SPATA13: variants seen among roughly 807,000 people sequenced by gnomAD.
The protein encoded by SPATA13 is spermatogenesis associated 13.
A neutral mutation model predicts 104.0 loss-of-function variants in SPATA13; 50 were observed. That is an observed-to-expected ratio of 0.48 (90% confidence interval 0.38 to 0.61). SPATA13 has a LOEUF of 0.61. Among genes scored for constraint, SPATA13 ranks in the 20% least tolerant of loss-of-function variants. The pLI, the probability that SPATA13 is intolerant of heterozygous loss-of-function variation, is 0.00. For synonymous variants in SPATA13, 606 were observed against 667.5 expected, an observed-to-expected ratio of 0.91 and a Z score of 1.42; for missense variants, 1,524 against 1,690.6, an observed-to-expected ratio of 0.90 and a Z score of 1.73.
At chr13:24,014,337 A>AC (rs1876614598) in intron 2 of SPATA13, among the ~76,000 whole-genome samples, 1 of 151,056 alleles carries the variant, frequency 6.6e-6, no homozygotes, top group African/African-American at 2.4e-5. Context: ...GCACCAACAC[A>AC]CCCCCCTTCC....
intron 3 of SPATA13, among the ~76,000 whole-genome samples, chr13:24,063,065 C>T (rs538838015): frequency 2.6e-5 from 4 of 152,070 alleles, no homozygotes; most frequent in Non-Finnish European, 5.9e-5. Flanking sequence ...GGATTGGCCT[C>T]GGGGTCACCT....
intron 3 of SPATA13, among the ~76,000 whole-genome samples, chr13:24,108,942 C>T (rs1880546104): frequency 6.6e-6 from 1 of 152,144 alleles, no homozygotes; most frequent in Admixed American, 6.5e-5. Flanking sequence ...GCCCACACTC[C>T]AGCTCTCTCT....
At chr13:24,087,120 C>T (rs1466814217) in intron 3 of SPATA13, among the ~76,000 whole-genome samples, 1 of 152,138 alleles carries the variant, frequency 6.6e-6, no homozygotes, top group Non-Finnish European at 1.5e-5. Flanking sequence ...GCAAGGCTTT[C>T]TCTCCAGCCT....
chr13:24,155,298 G>T (rs114937705), intron 3 of SPATA13, among the ~76,000 whole-genome samples: 1,631 of 152,268 alleles, frequency 0.011, 29 homozygotes, highest in African/African-American at 0.037. Context: ...GATCTGTCAC[G>T]GAAGAACTTT....
chr13:24,004,713 A>T (rs567146042), intron 2 of SPATA13, among the ~76,000 whole-genome samples: 9 of 152,304 alleles, frequency 5.9e-5, no homozygotes, highest in African/African-American at 1.9e-4. Context: ...TTTACATTCC[A>T]TACGATTTAT....
At chr13:23,988,046 C>T (rs1006304040) in intron 2 of SPATA13, among the ~76,000 whole-genome samples, 4 of 151,808 alleles carry the variant, frequency 2.6e-5, no homozygotes, top group Admixed American at 1.3e-4. Context: ...TGAGTTCAGG[C>T]AATTCTCCTG....
At position 24,178,395 on chromosome 13, in the gene SPATA13, A is replaced by AT. The variant is rs910742297; in HGVS notation, c.-112+17472dup. Among the ~76,000 whole-genome samples the AT allele has an allele frequency of 2.6e-4, 40 of 151,294 alleles. 1 individual carries two copies. Among genetic ancestry groups the AT allele is most frequent in the East Asian group, 7.7e-4 (4 of 5,170 alleles). On this transcript the variant is annotated intron_variant, in intron 1 of 12. Coordinates refer to ENST00000382108, the MANE Select transcript of SPATA13 (RefSeq NM_001166271.3). ...ATTTTGATACTTCTGAGGAACATGC[A>AT]TTTTTTTTTAACTGTAAGAGCTTTT... is the stretch of plus-strand genomic sequence containing the variant.
At position 24,088,189 on chromosome 13, in the gene SPATA13, G is replaced by A. The variant is rs927956990; in HGVS notation, c.-112+70488G>A. On this transcript the variant is annotated intron_variant, in intron 3 of 14. Coordinates refer to the SPATA13 transcript ENST00000424834. The surrounding 1 kb of genome is among the most constrained non-coding windows in gnomAD (Gnocchi z 4.3). ...GGGCTGAGGTGTGTCCTGGCAGACA[G>A]GGAACTGGCGTGTTAATGCTCCCTA... is the stretch of plus-strand genomic sequence containing the variant. 1.3e-5 allele frequency among the ~76,000 whole-genome samples: 2 copies of A among 152,200 alleles called. No homozygotes were observed. The highest frequency in any genetic ancestry group is 1.3e-4 in the Admixed American group (2 of 15,280).
intron 2 of SPATA13, among the ~76,000 whole-genome samples, chr13:24,013,534 G>A (rs945668757): frequency 2.6e-5 from 4 of 152,094 alleles, no homozygotes; most frequent in African/African-American, 9.7e-5. Flanking sequence ...AGCTTAAGTC[G>A]CCCTTATCCT....
intron 1 of SPATA13, among the ~76,000 whole-genome samples, chr13:24,191,421 T>A (rs1338302161): frequency 6.6e-6 from 1 of 152,126 alleles, no homozygotes; most frequent in African/African-American, 2.4e-5. Context: ...ATATTTGTTT[T>A]ATTGCTGTGG....
At chr13:24,283,464 T>C (rs1413446757) in intron 4 of SPATA13, among the ~76,000 whole-genome samples, 1 of 152,266 alleles carries the variant, frequency 6.6e-6, no homozygotes, top group East Asian at 1.9e-4. Flanking sequence ...AAGAAGAGAC[T>C]GCTCAGTGAC....
At chr13:24,026,691 C>G (rs1877229834) in intron 3 of SPATA13, among the ~76,000 whole-genome samples, 1 of 152,138 alleles carries the variant, frequency 6.6e-6, no homozygotes, top group African/African-American at 2.4e-5. Context: ...CATTCTTCTG[C>G]CTCAACCTCC....
intron 1 of SPATA13, among the ~76,000 whole-genome samples, chr13:24,198,993 G>A (rs1870248813): frequency 1.4e-5 from 2 of 141,596 alleles, no homozygotes; most frequent in African/African-American, 2.6e-5. Context: ...CTGTCACCCA[G>A]TCTGGAGTGC....
intron 1 of SPATA13, among the ~76,000 whole-genome samples, chr13:24,199,216 A>C (rs1459561284): frequency 6.6e-6 from 1 of 152,124 alleles, no homozygotes; most frequent in East Asian, 1.9e-4. Context: ...AGTTGAAGGA[A>C]ATCTCAGAGG....
At chr13:24,240,117 C>T (rs1453087342) in intron 2 of SPATA13, among the ~76,000 whole-genome samples, 1 of 151,940 alleles carries the variant, frequency 6.6e-6, no homozygotes, top group East Asian at 1.9e-4. Context: ...CCAGCCTGGC[C>T]AACATGGCAA....
At chr13:24,154,298 A>G (rs550751423) in intron 3 of SPATA13, among the ~76,000 whole-genome samples, 2 of 152,344 alleles carry the variant, frequency 1.3e-5, no homozygotes, top group East Asian at 1.9e-4. Context: ...TTGTCCATCA[A>G]CAATAGAATA....
intron 4 of SPATA13, among the ~76,000 whole-genome samples, chr13:24,268,685 G>T (rs1481419127): frequency 6.6e-6 from 1 of 152,208 alleles, no homozygotes; most frequent in Non-Finnish European, 1.5e-5. Context: ...CTTGAACCCA[G>T]GAGGTGGAGG....
intron 2 of SPATA13, among the ~76,000 whole-genome samples, chr13:24,242,889 G>T (rs1033572305): frequency 3.9e-5 from 6 of 152,142 alleles, no homozygotes; most frequent in Admixed American, 1.3e-4. Flanking sequence ...ATAAAAACAG[G>T]CCTATGCAGG....
At chr13:24,135,437 C>T (rs1881529007) in intron 3 of SPATA13, among the ~76,000 whole-genome samples, 1 of 152,108 alleles carries the variant, frequency 6.6e-6, no homozygotes, top group Non-Finnish European at 1.5e-5. Context: ...GTGGCTCACG[C>T]CTGTAATCCC....
Sources: allele counts gnomAD v4.1 joint callset (sites outside exome capture counted in the v4.1 genomes callset), GRCh38; gene constraint gnomAD v4.1.1; non-coding constraint Gnocchi (gnomAD v3.1); transcripts MANE v1.5; gene names NCBI Gene and HGNC (gene_info 2026-07-23, HGNC 2026-07-21).